CR2: variants seen among roughly 807,000 people sequenced by gnomAD.
CR2 encodes complement C3d receptor 2.
CR2 carries 96 observed loss-of-function variants against 123.0 expected under a neutral mutation model. The observed-to-expected ratio is 0.78, with a 90% CI of 0.66 to 0.93. CR2 has a LOEUF of 0.93. CR2 is among the 40% of genes least tolerant of loss of function. The probability of loss-of-function intolerance (pLI) is 0.00; values close to 1 mark genes in which losing one functional copy is unlikely to be tolerated. For missense variants in CR2, 1,258 were observed against 1,361.0 expected, an observed-to-expected ratio of 0.92 and a Z score of 1.19; for synonymous variants, 484 against 469.5, an observed-to-expected ratio of 1.03 and a Z score of -0.40.
Position 207,474,307 on chromosome 1 carries a change from G to T in CR2, c.2307G>T (p.Lys769Asn). 6.2e-7 allele frequency: 1 copy of T among 1,612,154 alleles called. No homozygotes were observed. Among genetic ancestry groups the T allele is most frequent in the Non-Finnish European group, 8.5e-7 (1 of 1,178,378 alleles). Reference sequence around the variant, plus strand: ...CTGAAAATGGAATTTGGTTCAAAAAGATTCCACTTTGTAAAGGTAAGTTAG... The same window carrying T: ...CTGAAAATGGAATTTGGTTCAAAAATATTCCACTTTGTAAAGGTAAGTTAG... ...QDAENGIWFK[K>N]IPLCKVIHCH... Residue 769 changes from lysine (K) to asparagine (N), a missense_variant, in exon 13 of 20, where the codon AAG becomes AAT. By Grantham distance (94) the Lys-to-Asn change is moderately conservative. Coordinates refer to ENST00000367057, the MANE Select transcript of CR2 (RefSeq NM_001006658.3).
intron 18 of CR2, among the ~76,000 whole-genome samples, chr1:207,480,846 C>A (rs984935962): frequency 6.6e-6 from 1 of 152,034 alleles, no homozygotes; most frequent in Non-Finnish European, 1.5e-5. Flanking sequence ...ATTCACACTA[C>A]AATTTTATAG....
At chr1:207,470,127 G>C (rs200569205) in intron 6 of CR2, 25 bp downstream of exon 6, 22 of 1,612,392 alleles carry the variant, frequency 1.4e-5, no homozygotes, top group Non-Finnish European at 1.9e-5. Flanking sequence ...ACTCAGAAAA[G>C]GTGCTTCTGA....
In CR2 at chr1:207,472,835, A is replaced by T; in HGVS notation, c.1634A>T (p.Asp545Val). 6.2e-7 allele frequency: 1 copy of T among 1,613,954 alleles called. No individual in the cohort carries two copies. The highest frequency in any genetic ancestry group is 8.5e-7 in the Non-Finnish European group (1 of 1,179,932). The stretch of plus-strand genomic sequence containing the variant: ...GCACACACCGGGAGTTCCTTAGAAG[A>T]TTTTCCATATGGAACCACGGTCACT... Reference protein sequence around the residue: ...NGAHTGSSLEDFPYGTTVTYT... With the variant: ...NGAHTGSSLEVFPYGTTVTYT... The change falls in exon 10 of 20, where the codon GAT becomes GTT. Residue 545 changes from aspartate to valine, a missense_variant. By Grantham distance (152) the Asp-to-Val change is radical (BLOSUM62 -3). Coordinates refer to ENST00000367057, the MANE Select transcript of CR2 (RefSeq NM_001006658.3).
In CR2 at chr1:207,488,264, A is replaced by G. The variant is rs577528669; in HGVS notation, c.*19-878A>G. On this transcript the variant is annotated intron_variant, in intron 19 of 19. Coordinates refer to ENST00000367057, the MANE Select transcript of CR2 (RefSeq NM_001006658.3). ...AACCTTGGGCAAGGTCTCAGGGTCA[A>G]TCATTGGCAAAGGTGGAATGCAAGC... Among the ~76,000 whole-genome samples, 7 of 152,358 alleles carry G rather than the reference A, an allele frequency of 4.6e-5. No homozygotes were observed. In the South Asian group the frequency reaches 1.2e-3, roughly 27 times the overall value.
In CR2 at chr1:207,454,430, G is replaced by C; in HGVS notation, c.12G>C (p.Ala4=). 6.3e-7 allele frequency: 1 copy of C among 1,584,066 alleles called. No individual in the cohort carries two copies. The highest frequency in any genetic ancestry group is 8.5e-7 in the Non-Finnish European group (1 of 1,171,832). The change falls in exon 1 of 20, where the codon GCG becomes GCC. Residue 4 remains alanine, a synonymous_variant. Transcript: ENST00000367057. This position sits in a 1 kb window ranked among gnomAD's most constrained non-coding sequence, Gnocchi z 4.3. ...GCTTCGGCCGTGGCATGGGCGCCGC[G>C]GGCCTGCTCGGGGTTTTCTTGGCTC... MGA[A]GLLGVFLALV...
chr1:207,466,998 C>T lies in CR2; in HGVS notation c.445+86C>T, dbSNP rs766001401. On this transcript the variant is annotated intron_variant, in intron 2 of 19. Coordinates refer to ENST00000367057, the MANE Select transcript of CR2 (RefSeq NM_001006658.3). ...GTTTTGTACCCTCCTGAAGGACAAA[C>T]AGTGTGAACATGTAATGATGAGGGT... 1.3e-4 allele frequency: 188 copies of T among 1,448,422 alleles called. No individual in the cohort carries two copies. The Middle Eastern group carries it at 3.2e-3, about 25-fold the overall frequency. The allele number at this position is 1,448,422 out of a possible 1,614,324, so 89.7% of individuals were successfully genotyped here.
intron 2 of CR2, 51 bp downstream of exon 2, chr1:207,466,963 T>G (rs1658119135): frequency 6.5e-7 from 1 of 1,531,190 alleles, no homozygotes; most frequent in Non-Finnish European, 8.7e-7. Flanking sequence ...TGCCTTTCTG[T>G]GCAGACCACG....
Position 207,478,053 on chromosome 1 carries a change from T to C in CR2, c.3071T>C (p.Leu1024Pro), listed in dbSNP as rs1658491850. 8.1e-6 allele frequency: 13 copies of C among 1,613,864 alleles called. No individual in the cohort carries two copies. The highest frequency in any genetic ancestry group is 1.1e-5 in the Non-Finnish European group (13 of 1,179,876). The change falls in exon 16 of 20, where the codon CTG becomes CCG. Residue 1024 changes from leucine to proline, a missense_variant. Physicochemically the swap from Leu to Pro is moderately conservative, Grantham distance 98. Coordinates refer to ENST00000367057, the MANE Select transcript of CR2 (RefSeq NM_001006658.3). The part of the protein sequence containing the change: ...CQSDHQWNPP[L>P]AVCRSRSLAP... ...TCGGATCACCAATGGAACCCTCCCC[T>C]GGCGGTTTGCAGATCCCGTAAGTAC... is the stretch of plus-strand genomic sequence containing the variant.
chr1:207,483,560 T>TG (rs1382391516), intron 18 of CR2, among the ~76,000 whole-genome samples: 2 of 151,436 alleles, frequency 1.3e-5, no homozygotes, highest in African/African-American at 2.4e-5. Context: ...ACACTGTTTT[T>TG]TTTTCTTGTG....
chr1:207,478,111 C>T lies in CR2; in HGVS notation c.3088+41C>T, dbSNP rs182850977. On this transcript the variant is annotated intron_variant, in intron 16 of 19. Transcript: ENST00000367057. ...TTCACCGCCGCTTGTAACTGGCTAA[C>T]GGAGAGAAGAGAGTGAGAGTTTCCC... is the stretch of plus-strand genomic sequence containing the variant. 1,430 of 1,592,418 alleles carry T rather than the reference C, an allele frequency of 9.0e-4. 2 individuals carry two copies. The highest frequency in any genetic ancestry group is 3.6e-3 in the Middle Eastern group (21 of 5,756).
Position 207,468,734 on chromosome 1 carries a change from CTATTT to C in CR2, c.634+22_634+26del. 1 of 1,613,860 alleles carries C rather than the reference CTATTT, an allele frequency of 6.2e-7. No homozygotes were observed. Among genetic ancestry groups the C allele is most frequent in the Non-Finnish European group, 8.5e-7 (1 of 1,179,798 alleles). ...TGTGAAGGTACCCTAAATTTACAAT[CTATTT>C]TAAGAATCTGGGCTGTTCTGTTATT... On this transcript the variant is annotated intron_variant, in intron 3 of 19. Transcript: ENST00000367057.
chr1:207,479,633 C>A (rs190505341), intron 17 of CR2, among the ~76,000 whole-genome samples: 1 of 152,292 alleles, frequency 6.6e-6, no homozygotes, highest in East Asian at 1.9e-4. Context: ...TTATAAGAAC[C>A]TGGTGTCCTG....
rs149087222 is a variant in CR2 at position 207,468,863 on chromosome 1, G to A, written c.698G>A (p.Arg233Gln). ...AAGGTAAAGGAGCCTCCAATTCTCC[G>A]GGTTGGTGTAACTGCAAACTTTTTC... ...NGKVKEPPIL[R>Q]VGVTANFFCD... is the part of the protein sequence containing the mutation. Residue 233 changes from arginine to glutamine, a missense_variant, in exon 4 of 20, where the codon CGG becomes CAG. Transcript: ENST00000367057. The A allele has an allele frequency of 8.1e-6, 13 of 1,613,846 alleles. No individual in the cohort carries two copies. Among genetic ancestry groups the A allele is most frequent in the South Asian group, 4.4e-5 (4 of 91,084 alleles).
rs1157826732 is a variant in CR2 at position 207,470,919 on chromosome 1, G to A, written c.1402+3G>A. ...ACCCCCTGTACCCCAATGCAAAGGTGCCAGGCCTCAAATGTAGACATTTTG... is the reference window on the plus strand; with the variant it reads ...ACCCCCTGTACCCCAATGCAAAGGTACCAGGCCTCAAATGTAGACATTTTG... On this transcript the variant is annotated splice_donor_region_variant and intron_variant, in intron 7 of 19. Coordinates refer to ENST00000367057, the MANE Select transcript of CR2 (RefSeq NM_001006658.3). The A allele has an allele frequency of 3.1e-6, 5 of 1,613,710 alleles. No individual in the cohort carries two copies. The highest frequency in any genetic ancestry group is 4.2e-6 in the Non-Finnish European group (5 of 1,179,822).
rs756737171 is a variant in CR2, at chr1:207,473,655, G to A, written c.2089G>A (p.Val697Met). ...CACTTGTGACCCTGGCTATTTGCTT[G>A]TGGGAAACAAATCCATTCACTGTAT... ...DYTCDPGYLL[V>M]GNKSIHCMPS... Residue 697 changes from valine (V) to methionine (M), a missense_variant, in exon 11 of 20, where the codon GTG (valine) becomes ATG (methionine). Transcript: ENST00000367057. 30 of 1,614,026 alleles carry A rather than the reference G, an allele frequency of 1.9e-5. No individual in the cohort carries two copies. The highest frequency in any genetic ancestry group is 4.5e-5 in the East Asian group (2 of 44,890).
At chr1:207,469,449 G>C (rs886316966) in intron 5 of CR2, among the ~76,000 whole-genome samples, 4 of 152,098 alleles carry the variant, frequency 2.6e-5, no homozygotes, top group African/African-American at 4.8e-5. Context: ...CTTCTAAGTA[G>C]GTAGACCATA....
Position 207,470,036 on chromosome 1 carries a change from G to T in CR2, c.1159G>T (p.Gly387Cys). Reference sequence around the variant, plus strand: ...TTGCATGTTTGGCTTCACCTTGAAGGGCAGCAAGCAAATCCGATGCAATGC... The same window carrying T: ...TTGCATGTTTGGCTTCACCTTGAAGTGCAGCAAGCAAATCCGATGCAATGC... ...FACMFGFTLK[G>C]SKQIRCNAQG... is the part of the protein sequence containing the mutation. The change falls in exon 6 of 20, where the codon GGC (glycine) becomes TGC (cysteine). Residue 387 changes from glycine (G) to cysteine (C), a missense_variant. Gly to Cys is a radical substitution (Grantham distance 159). Coordinates refer to ENST00000367057, the MANE Select transcript of CR2 (RefSeq NM_001006658.3). 1 of 1,613,972 alleles carries T rather than the reference G, an allele frequency of 6.2e-7. No homozygotes were observed.
At chr1:207,479,877 C>A in intron 17 of CR2, 101 bp from the exon 18 acceptor site, 1 of 836,056 alleles carries the variant, frequency 1.2e-6, no homozygotes, top group Non-Finnish European at 2.1e-6. Context: ...GTATGAGTCA[C>A]ATAACATTTT....
intron 4 of CR2, 29 bp downstream of exon 4, chr1:207,468,928 A>G: frequency 6.2e-7 from 1 of 1,606,962 alleles, no homozygotes; most frequent in Non-Finnish European, 8.5e-7. Flanking sequence ...TATGAGATTT[A>G]ATTCATTTGT....
Sources: gnomAD v4.1 joint callset for allele counts (sites outside exome capture counted in the v4.1 genomes callset) on GRCh38, gnomAD v4.1.1 for gene constraint, Gnocchi (gnomAD v3.1) non-coding constraint, MANE v1.5 for transcripts, NCBI Gene and HGNC (gene_info 2026-07-23, HGNC 2026-07-21) for gene names.